P2RY6: variants seen among roughly 807,000 people sequenced by gnomAD.
P2RY6 encodes the protein pyrimidinergic receptor P2Y6.
In P2RY6, 19 loss-of-function variants were observed where a neutral mutation model predicts 16.3. The ratio of observed to expected loss-of-function variants is 1.16; its 90% CI spans 0.81 to 1.71. P2RY6 has a LOEUF of 1.71. P2RY6 is among the 40% of genes most tolerant of loss of function. The pLI is 0.00. For synonymous variants in P2RY6, 184 were observed against 201.5 expected (o/e 0.91, Z 0.74); for missense variants, 389 against 455.5 (o/e 0.85, Z 1.33).
chr11:73,282,211 C>T (rs866677404), intron 1 of P2RY6, among the ~76,000 whole-genome samples: 16 of 152,234 alleles, frequency 1.1e-4, no homozygotes, highest in East Asian at 1.9e-4. Context: ...CCCCATCCCA[C>T]GGCCACAACC....
At position 73,291,779 on chromosome 11, in the gene P2RY6, C is replaced by T. The variant is rs1864259312; in HGVS notation, c.-120-3951C>T. On this transcript the variant is annotated intron_variant, in intron 1 of 2. Transcript: ENST00000540124. ...CCACCCTGAGTGGCACTTCATCCTC[C>T]CAGCACACTGGTGATCAGTATGACC... is the stretch of plus-strand genomic sequence containing the variant. 2.0e-5 allele frequency among the ~76,000 whole-genome samples: 3 copies of T among 152,204 alleles called. No homozygotes were observed. The South Asian group carries it at 6.2e-4, about 32-fold the overall frequency.
At chr11:73,277,217 G>A (rs916648211) in intron 1 of P2RY6, among the ~76,000 whole-genome samples, 4 of 151,724 alleles carry the variant, frequency 2.6e-5, no homozygotes, top group Admixed American at 6.6e-5. Context: ...AGGTTCAAGC[G>A]ATTCTCCTGC....
At chr11:73,294,414 A>T (rs1160468643) in intron 1 of P2RY6, among the ~76,000 whole-genome samples, 1 of 152,234 alleles carries the variant, frequency 6.6e-6, no homozygotes, top group Non-Finnish European at 1.5e-5. Flanking sequence ...TGAACATGTG[A>T]ATGAGAATGG....
intron 1 of P2RY6, among the ~76,000 whole-genome samples, chr11:73,284,365 G>A (rs181051572): frequency 6.6e-6 from 1 of 152,266 alleles, no homozygotes; most frequent in Non-Finnish European, 1.5e-5. Context: ...CAAGGGGAGG[G>A]AGAGAAGCCA....
intron 1 of P2RY6, among the ~76,000 whole-genome samples, chr11:73,286,356 G>A (rs1790778803): frequency 1.3e-5 from 2 of 152,126 alleles, no homozygotes; most frequent in Non-Finnish European, 2.9e-5. Flanking sequence ...AACCTTACCT[G>A]TACGAGTTGT....
chr11:73,293,418 G>A (rs1864350884), intron 1 of P2RY6, among the ~76,000 whole-genome samples: 1 of 152,178 alleles, frequency 6.6e-6, no homozygotes, highest in Non-Finnish European at 1.5e-5. Context: ...GAAGGATGTA[G>A]TCAGAGCCAC....
At chr11:73,280,587 G>T (rs1248290429) in intron 1 of P2RY6, among the ~76,000 whole-genome samples, 2 of 152,110 alleles carry the variant, frequency 1.3e-5, no homozygotes, top group Admixed American at 1.3e-4. Flanking sequence ...ACTGACTCTG[G>T]GGCTTTGGGT....
upstream of P2RY6, among the ~76,000 whole-genome samples, chr11:73,269,013 G>T (rs2135680510): frequency 6.6e-6 from 1 of 152,312 alleles, no homozygotes; most frequent in South Asian, 2.1e-4. Flanking sequence ...AGCCAGTACT[G>T]AACTGTGAGC....
At chr11:73,287,255 A>C (rs1229211882) in intron 1 of P2RY6, among the ~76,000 whole-genome samples, 1 of 152,170 alleles carries the variant, frequency 6.6e-6, no homozygotes, top group Non-Finnish European at 1.5e-5. Flanking sequence ...ACTTTCTACT[A>C]ACTTTGCAAA....
chr11:73,277,222 T>C (rs1863574706), intron 1 of P2RY6, among the ~76,000 whole-genome samples: 1 of 151,954 alleles, frequency 6.6e-6, no homozygotes. Context: ...CAAGCGATTC[T>C]CCTGCCTCAG....
chr11:73,277,263 G>A (rs1297589293), intron 1 of P2RY6, among the ~76,000 whole-genome samples: 2 of 151,860 alleles, frequency 1.3e-5, no homozygotes, highest in African/African-American at 2.4e-5. Context: ...ACAGACATGC[G>A]CCACCACACC....
chr11:73,290,335 GAA>G (rs1206143102), intron 1 of P2RY6, among the ~76,000 whole-genome samples: 4 of 149,986 alleles, frequency 2.7e-5, no homozygotes, highest in African/African-American at 7.4e-5. Context: ...AAGAAAGAAA[GAA>G]AGAAAGAAAG....
chr11:73,278,765 C>A (rs1057113198), intron 1 of P2RY6, among the ~76,000 whole-genome samples: 4 of 152,114 alleles, frequency 2.6e-5, no homozygotes, highest in Non-Finnish European at 4.4e-5. Context: ...ATCTATTCAT[C>A]CATCTACAGC....
intron 1 of P2RY6, among the ~76,000 whole-genome samples, chr11:73,295,155 G>C (rs1356917408): frequency 6.6e-6 from 1 of 152,198 alleles, no homozygotes; most frequent in Non-Finnish European, 1.5e-5. Context: ...GTTTCGAGGT[G>C]AGTGTCTAGG....
At chr11:73,266,388 A>T (rs1182395193) in intron 1 of P2RY6, among the ~76,000 whole-genome samples, 1 of 152,048 alleles carries the variant, frequency 6.6e-6, no homozygotes, top group African/African-American at 2.4e-5. Context: ...GGCCCTGTGT[A>T]TGTGTGTGTT....
At chr11:73,269,090 C>T (rs777750322), upstream of P2RY6, among the ~76,000 whole-genome samples, 21 of 152,166 alleles carry the variant, frequency 1.4e-4, no homozygotes, top group Middle Eastern at 3.2e-3. Context: ...GGCAGGGCCT[C>T]GGGGGTAGGA....
intron 1 of P2RY6, among the ~76,000 whole-genome samples, chr11:73,278,112 G>GC (rs1459766112): frequency 2.6e-5 from 4 of 152,052 alleles, no homozygotes; most frequent in African/African-American, 4.8e-5. Context: ...TTGTTGTGCA[G>GC]CCATCACATC....
chr11:73,284,436 A>G (rs1863885752), intron 1 of P2RY6, among the ~76,000 whole-genome samples: 1 of 152,004 alleles, frequency 6.6e-6, no homozygotes, highest in Admixed American at 6.5e-5. Context: ...AGGTGAGAGT[A>G]CCAGAGAAAA....
chr11:73,274,036 C>G (rs1175294258), intron 1 of P2RY6, among the ~76,000 whole-genome samples: 1 of 152,116 alleles, frequency 6.6e-6, no homozygotes, highest in African/African-American at 2.4e-5. Context: ...TGGGGTTTTG[C>G]TATGTTGCCC....
Sources: allele counts gnomAD v4.1 joint callset (sites outside exome capture counted in the v4.1 genomes callset), GRCh38; gene constraint gnomAD v4.1.1; transcripts MANE v1.5; gene names NCBI Gene and HGNC (gene_info 2026-07-23, HGNC 2026-07-21).